C12orf75: variants seen among roughly 807,000 people sequenced by gnomAD.
C12orf75 encodes the protein overexpressed in colon carcinoma 1 protein.
C12orf75 carries 4 observed loss-of-function variants against 11.4 expected under a neutral mutation model. That is an observed-to-expected ratio of 0.35 (90% CI 0.17 to 0.80). The LOEUF (loss-of-function observed/expected upper bound fraction) is 0.80, where lower values mean the gene tolerates loss of function less well. Among genes scored for constraint, C12orf75 ranks in the 30% least tolerant of loss-of-function variants. The pLI is 0.52. For missense variants in C12orf75, 89 were observed against 80.4 expected (o/e 1.11, Z -0.41); for synonymous variants, 30 against 30.0 (o/e 1.00, Z 0.00).
intron 2 of C12orf75, among the ~76,000 whole-genome samples, chr12:105,362,700 C>G (rs376610937): frequency 3.3e-5 from 5 of 151,558 alleles, no homozygotes; most frequent in South Asian, 2.1e-4. Flanking sequence ...AGAGCTCCAG[C>G]TGCGGGAAGG....
chr12:105,331,901 C>T (rs1046261121), intron 1 of C12orf75, among the ~76,000 whole-genome samples: 1 of 152,206 alleles, frequency 6.6e-6, no homozygotes, highest in Non-Finnish European at 1.5e-5. Context: ...AAACAGCAGT[C>T]AGAGGCTGCG....
chr12:105,344,414 C>A (rs1377218892), intron 1 of C12orf75, among the ~76,000 whole-genome samples: 1 of 152,178 alleles, frequency 6.6e-6, no homozygotes, highest in Middle Eastern at 3.2e-3. Flanking sequence ...TCTCTTCTTC[C>A]TGTGGATTGT....
chr12:105,345,386 A>G (rs574535487), intron 1 of C12orf75, among the ~76,000 whole-genome samples: 1 of 151,990 alleles, frequency 6.6e-6, no homozygotes, highest in African/African-American at 2.4e-5. Context: ...GCTACTCAGG[A>G]GGCTGAGGCA....
intron 2 of C12orf75, among the ~76,000 whole-genome samples, chr12:105,356,808 C>T (rs1371653996): frequency 6.6e-6 from 1 of 151,996 alleles, no homozygotes; most frequent in Non-Finnish European, 1.5e-5. Context: ...CCATATATTA[C>T]TGAGGAAGAA....
At chr12:105,354,991 C>T (rs1592881902) in intron 2 of C12orf75, among the ~76,000 whole-genome samples, 1 of 151,774 alleles carries the variant, frequency 6.6e-6, no homozygotes, top group East Asian at 1.9e-4. Flanking sequence ...TTTTTTTTTC[C>T]TCCCTAGGGA....
chr12:105,357,778 C>CTG (rs67643973), intron 2 of C12orf75, among the ~76,000 whole-genome samples: 1,832 of 137,298 alleles, frequency 0.013, 33 homozygotes, highest in East Asian at 0.038. Context: ...AATGTATTTT[C>CTG]TGTGTGTGTG....
In C12orf75 at chr12:105,348,585, C is replaced by A; in HGVS notation, c.47-17C>A. 1 of 1,524,190 alleles carries A rather than the reference C, an allele frequency of 6.6e-7. No homozygotes were observed. Among genetic ancestry groups the A allele is most frequent in the Non-Finnish European group, 8.9e-7 (1 of 1,128,252 alleles). The allele number at this position is 1,524,190 out of a possible 1,614,324, so 94.4% of individuals were successfully genotyped here. On this transcript the variant is annotated splice_polypyrimidine_tract_variant and intron_variant, in intron 1 of 5. Transcript: ENST00000443585. ...TACTATCACACCAATACAAACCTAT[C>A]TTCTTTTTTTCTCTAGGCCCTGCAG...
At chr12:105,340,450 A>T (rs1274643637) in intron 1 of C12orf75, among the ~76,000 whole-genome samples, 4 of 141,874 alleles carry the variant, frequency 2.8e-5, no homozygotes, top group Admixed American at 2.1e-4. Flanking sequence ...AAAAAAAAAA[A>T]TTTACTCAGT....
Position 105,330,834 on chromosome 12 carries a change from C to T in C12orf75, c.-58C>T, listed in dbSNP as rs1276086065. 2 of 1,239,120 alleles carry T rather than the reference C, an allele frequency of 1.6e-6. No individual in the cohort carries two copies. The highest frequency in any genetic ancestry group is 3.3e-5 in the East Asian group (1 of 30,378). 76.8% of individuals were successfully genotyped at this position (1,239,120 alleles called of 1,614,324 possible). ...GTGCGCCGCCCTTCGTCTGGGTCTC[C>T]GCCCCCAGGACCCGCGGCCGAGAGC... On this transcript the variant is annotated 5_prime_UTR_variant, in exon 1 of 6. Transcript: ENST00000443585.
At chr12:105,346,176 T>G (rs78094205) in intron 1 of C12orf75, among the ~76,000 whole-genome samples, 1,680 of 152,204 alleles carry the variant, frequency 0.011, 38 homozygotes, top group African/African-American at 0.039. Context: ...CCCACCACTT[T>G]TGAGTTGTCC....
intron 2 of C12orf75, among the ~76,000 whole-genome samples, chr12:105,357,558 A>G (rs1222809288): frequency 6.6e-6 from 1 of 152,098 alleles, no homozygotes. Flanking sequence ...CTTGAATAAC[A>G]CTTGTTTCTG....
chr12:105,348,769 G>A (rs768504800), intron 2 of C12orf75, 143 bp downstream of exon 2: 61 of 502,664 alleles, frequency 1.2e-4, no homozygotes, highest in Non-Finnish European at 1.9e-4. Flanking sequence ...CAAGATGATC[G>A]TTGTAACTAA....
intron 2 of C12orf75, among the ~76,000 whole-genome samples, chr12:105,364,742 C>T (rs1232323038): frequency 6.6e-6 from 1 of 150,956 alleles, no homozygotes; most frequent in African/African-American, 2.4e-5. Flanking sequence ...TTTTTTCTTT[C>T]AGAAAAGCAA....
Position 105,330,875 on chromosome 12 carries a change from C to T in C12orf75, c.-17C>T. On this transcript the variant is annotated 5_prime_UTR_variant, in exon 1 of 6. Transcript: ENST00000443585. ...GGCCGAGAGCTCCGGAGCGCGGCTT[C>T]CCCGGCCGGCTGCGCGATGGGCTGC... The T allele has an allele frequency of 2.4e-6, 3 of 1,254,024 alleles. No homozygotes were observed. The highest frequency in any genetic ancestry group is 3.2e-5 in the South Asian group (1 of 31,502). 77.7% of individuals were successfully genotyped at this position (1,254,024 alleles called of 1,614,324 possible). A position where few individuals can be genotyped will look rare whatever the true frequency, so the allele number is the denominator to read the frequency against.
At chr12:105,346,111 T>G (rs779137988) in intron 1 of C12orf75, among the ~76,000 whole-genome samples, 4 of 152,128 alleles carry the variant, frequency 2.6e-5, no homozygotes, top group Non-Finnish European at 5.9e-5. Context: ...TTCAACCAAT[T>G]GCCAATCAGG....
chr12:105,366,713 G>C lies in C12orf75; in HGVS notation c.187+17G>C. 7.4e-7 allele frequency: 1 copy of C among 1,357,060 alleles called. No homozygotes were observed. Among genetic ancestry groups the C allele is most frequent in the South Asian group, 1.3e-5 (1 of 77,630 alleles). The allele number at this position is 1,357,060 out of a possible 1,614,324, so 84.1% of individuals were successfully genotyped here. ...TTCGGAAAAGTAAGTGAAATCATGT[G>C]CTGTTGATTTTCCCTAATTATTTAT... On this transcript the variant is annotated intron_variant, in intron 4 of 5. Transcript: ENST00000443585.
At chr12:105,335,590 A>ATGG (rs1349033812) in intron 1 of C12orf75, among the ~76,000 whole-genome samples, 2 of 151,734 alleles carry the variant, frequency 1.3e-5, no homozygotes, top group Non-Finnish European at 2.9e-5. Flanking sequence ...CCTCCCCCAA[A>ATGG]TGGAGGCCTC....
intron 1 of C12orf75, among the ~76,000 whole-genome samples, chr12:105,339,392 ATTTTTT>A (rs10638339): frequency 7.3e-6 from 1 of 136,506 alleles, no homozygotes; most frequent in East Asian, 2.1e-4. Context: ...AATCTTCAGT[ATTTTTT>A]TTTTTTTTTT....
At chr12:105,362,442 T>A in intron 2 of C12orf75, among the ~76,000 whole-genome samples, 1 of 112,554 alleles carries the variant, frequency 8.9e-6, no homozygotes, top group African/African-American at 3.5e-5. Flanking sequence ...CTGAGGCGGG[T>A]GGATCATGAG....
Sources: gnomAD v4.1 joint callset for allele counts (sites outside exome capture counted in the v4.1 genomes callset) on GRCh38, gnomAD v4.1.1 for gene constraint, MANE v1.5 for transcripts, NCBI Gene and HGNC (gene_info 2026-07-23, HGNC 2026-07-21) for gene names.